Variants in CPD observed in about 807,000 individuals in gnomAD.
The protein encoded by CPD is carboxypeptidase D, also known as metallocarboxypeptidase D.
Under a neutral mutation model 138.3 loss-of-function variants are expected in CPD, and 69 were observed. That is an observed-to-expected ratio of 0.50 (90% CI 0.41 to 0.61). CPD has a LOEUF of 0.61. Ranked by LOEUF, CPD falls within the 20% of genes least tolerant of loss-of-function variation. The pLI, the probability that CPD is intolerant of heterozygous loss-of-function variation, is 0.00. For missense variants in CPD, 1,432 were observed against 1,733.3 expected, an observed-to-expected ratio of 0.83 and a Z score of 3.09; for synonymous variants, 651 against 642.1, an observed-to-expected ratio of 1.01 and a Z score of -0.21.
intron 12 of CPD, among the ~76,000 whole-genome samples, 199 bp from the exon 13 acceptor site, chr17:30,449,354 A>G (rs1029198686): frequency 2.0e-5 from 3 of 152,236 alleles, no homozygotes; most frequent in African/African-American, 7.2e-5. Flanking sequence ...CCTAAATCTG[A>G]TAATATCATC....
intron 17 of CPD, among the ~76,000 whole-genome samples, chr17:30,459,186 T>TA (rs1339023757): frequency 4.6e-5 from 5 of 109,560 alleles, no homozygotes; most frequent in East Asian, 9.2e-4. Flanking sequence ...TCCTTTTTTT[T>TA]AATTTATTTT....
chr17:30,449,651 C>T lies in CPD; in HGVS notation c.2972C>T (p.Ala991Val). ...GAAGAACCAAAGATTCGTTTTGTTG[C>T]TGGTATCCATGGAAATGCGCCAGTT... ...EPEEPKIRFV[A>V]GIHGNAPVGT... is the part of the protein sequence containing the mutation. Residue 991 changes from alanine (A) to valine (V), a missense_variant, in exon 13 of 21, where the codon GCT (alanine) becomes GTT (valine). Physicochemically the swap from Ala to Val is moderately conservative, Grantham distance 64. Coordinates refer to ENST00000225719, the MANE Select transcript of CPD (RefSeq NM_001304.5). 1 of 1,608,816 alleles carries T rather than the reference C, an allele frequency of 6.2e-7. No individual in the cohort carries two copies. Among genetic ancestry groups the T allele is most frequent in the Non-Finnish European group, 8.5e-7 (1 of 1,178,816 alleles).
rs202242271 is a variant in CPD, at chr17:30,421,643, C to T, written c.1138-21C>T. ...GCCTTCCAAATTCACCGTCTCTGAG[C>T]TTGGATTCTTGTCTTCTTAGGTTCA... is the stretch of plus-strand genomic sequence containing the variant. On this transcript the variant is annotated intron_variant, in intron 3 of 20. Coordinates refer to ENST00000225719, the MANE Select transcript of CPD (RefSeq NM_001304.5). 33 of 1,610,664 alleles carry T rather than the reference C, an allele frequency of 2.0e-5. No individual in the cohort carries two copies. In the Middle Eastern group the frequency reaches 9.9e-4, roughly 48 times the overall value.
intron 17 of CPD, among the ~76,000 whole-genome samples, chr17:30,458,160 C>CTCCA (rs1258937974): frequency 6.6e-6 from 1 of 152,148 alleles, no homozygotes; most frequent in African/African-American, 2.4e-5. Flanking sequence ...CACCATTGCA[C>CTCCA]TCCAGCCTGG....
chr17:30,467,210 A>G lies in CPD; in HGVS notation c.*2396A>G, dbSNP rs1913666567. On this transcript the variant is annotated 3_prime_UTR_variant, in exon 21 of 21. Coordinates refer to ENST00000225719, the MANE Select transcript of CPD (RefSeq NM_001304.5). ...GGAGTTATGGCGGCAAGTAAGTATC[A>G]TAGTATTAAGAAATTTGCCTAAATC... 6.6e-6 allele frequency: 1 copy of G among 152,584 alleles called. No homozygotes were observed. Among genetic ancestry groups the G allele is most frequent in the African/African-American group, 2.4e-5 (1 of 41,446 alleles). 9.5% of individuals were successfully genotyped at this position (152,584 alleles called of 1,614,324 possible).
At chr17:30,388,631 G>T (rs969860232) in intron 2 of CPD, among the ~76,000 whole-genome samples, 1 of 152,196 alleles carries the variant, frequency 6.6e-6, no homozygotes, top group African/African-American at 2.4e-5. Flanking sequence ...GGTAAGGGGG[G>T]CCTAGGAGGT....
At position 30,427,200 on chromosome 17, in the gene CPD, G is replaced by A. The variant is rs145459132; in HGVS notation, c.1850-191G>A. ...CCATCTCAAAAAAAAAAAAAAAGGCGGAGTCAACCATGTCAGATTTCTTTT... is the reference window on the plus strand; with the variant it reads ...CCATCTCAAAAAAAAAAAAAAAGGCAGAGTCAACCATGTCAGATTTCTTTT... On this transcript the variant is annotated intron_variant, in intron 6 of 20. Transcript: ENST00000225719. Among the ~76,000 whole-genome samples, 33 of 151,596 alleles carry A rather than the reference G, an allele frequency of 2.2e-4. 1 individual carries two copies. The South Asian group carries it at 4.4e-3, about 20-fold the overall frequency.
chr17:30,429,523 A>T (rs1343995435), intron 7 of CPD, among the ~76,000 whole-genome samples: 1 of 152,214 alleles, frequency 6.6e-6, no homozygotes, highest in African/African-American at 2.4e-5. Flanking sequence ...GTACAGGAGT[A>T]AAAAATCCTC....
intron 2 of CPD, among the ~76,000 whole-genome samples, chr17:30,392,977 T>C (rs2143326363): frequency 6.6e-6 from 1 of 152,352 alleles, no homozygotes; most frequent in East Asian, 1.9e-4. Context: ...GCTTTATATT[T>C]GTCTTCTTAA....
intron 1 of CPD, among the ~76,000 whole-genome samples, chr17:30,381,540 A>T (rs963987046): frequency 6.6e-6 from 1 of 152,214 alleles, no homozygotes. Context: ...GTAGGTGATC[A>T]TATATGGTAA....
At position 30,395,610 on chromosome 17, in the gene CPD, C is replaced by T. The variant is rs552967281; in HGVS notation, c.994+10374C>T. 5.3e-5 allele frequency among the ~76,000 whole-genome samples: 8 copies of T among 152,004 alleles called. No individual in the cohort carries two copies. The East Asian group carries it at 5.8e-4, about 11-fold the overall frequency. ...AGGCCTAAATGAAGAGAACCTAACA[C>T]TCCTTTAGGATTTGGCCCCCAGTCT... On this transcript the variant is annotated intron_variant, in intron 2 of 20. Transcript: ENST00000225719.
chr17:30,402,909 C>T (rs1193550186), intron 2 of CPD, among the ~76,000 whole-genome samples: 1 of 151,980 alleles, frequency 6.6e-6, no homozygotes. Context: ...GAATTCAAGA[C>T]CAGCCTAACC....
At position 30,464,754 on chromosome 17, in the gene CPD, C is replaced by A. The variant is rs760607780; in HGVS notation, c.4083C>A (p.Ser1361Arg). The A allele has an allele frequency of 4.3e-6, 7 of 1,613,906 alleles. No individual in the cohort carries two copies. The highest frequency in any genetic ancestry group is 2.5e-6 in the Non-Finnish European group (3 of 1,179,888). ...MSTGSKKSLL[S>R]HEFQDETDTE... ...CCGGCTCCAAGAAGTCCCTCCTAAG[C>A]CATGAGTTCCAGGATGAAACAGACA... Residue 1361 changes from serine to arginine, a missense_variant, in exon 21 of 21, where the codon AGC (serine) becomes AGA (arginine). Around this residue, in one of 6 missense-constraint regions of CPD, gnomAD observed 366 missense variants for 518.8 expected, o/e 0.71. Transcript: ENST00000225719.
Position 30,379,521 on chromosome 17 carries a change from A to G in CPD, c.541A>G (p.Ser181Gly). 6.4e-7 allele frequency: 1 copy of G among 1,569,088 alleles called. No homozygotes were observed. The highest frequency in any genetic ancestry group is 1.1e-5 in the South Asian group (1 of 87,524). ...LNTTDVYLLP[S>G]LNPDGFERAR... ...CACCACCGACGTGTACCTGCTGCCC[A>G]GCCTCAACCCCGATGGCTTCGAGCG... Residue 181 changes from serine to glycine, a missense_variant, in exon 1 of 21, where the codon AGC (serine) becomes GGC (glycine). Around this residue, in one of 6 missense-constraint regions of CPD, gnomAD observed 484 missense variants for 477.2 expected, o/e 1.01. Coordinates refer to ENST00000225719, the MANE Select transcript of CPD (RefSeq NM_001304.5). The surrounding 1 kb of genome is among the most constrained non-coding windows in gnomAD (Gnocchi z 7.0).
rs1384868914 is a variant in CPD at position 30,462,077 on chromosome 17, T to C, written c.3816+15T>C. On this transcript the variant is annotated intron_variant, in intron 19 of 20. Coordinates refer to ENST00000225719, the MANE Select transcript of CPD (RefSeq NM_001304.5). ...AACATTCACAGGTAAGAAACTCAAATTGAGTAGCATCATGTAAATTTTTAT... is the reference window on the plus strand; with the variant it reads ...AACATTCACAGGTAAGAAACTCAAACTGAGTAGCATCATGTAAATTTTTAT... 2 of 1,581,238 alleles carry C rather than the reference T, an allele frequency of 1.3e-6. No individual in the cohort carries two copies. Among genetic ancestry groups the C allele is most frequent in the Admixed American group, 2.0e-5 (1 of 50,832 alleles).
chr17:30,400,160 A>G (rs1261659466), intron 2 of CPD, among the ~76,000 whole-genome samples: 1 of 151,720 alleles, frequency 6.6e-6, no homozygotes, highest in African/African-American at 2.4e-5. Context: ...CTACTTTCTC[A>G]TTTTTCAGTT....
intron 2 of CPD, among the ~76,000 whole-genome samples, chr17:30,415,814 GA>G (rs1200756241): frequency 1.3e-5 from 2 of 152,188 alleles, no homozygotes; most frequent in Admixed American, 1.3e-4. Context: ...CCTTAAAAAA[GA>G]AGGGAATCCT....
intron 13 of CPD, 22 bp from the exon 14 acceptor site, chr17:30,451,689 T>C: frequency 1.2e-6 from 2 of 1,609,842 alleles, no homozygotes; most frequent in Non-Finnish European, 1.7e-6. Flanking sequence ...TAGTAACTCG[T>C]TAATTTCTGT....
intron 2 of CPD, among the ~76,000 whole-genome samples, chr17:30,389,725 A>G (rs763346953): frequency 1.2e-4 from 19 of 152,114 alleles, no homozygotes; most frequent in Non-Finnish European, 2.2e-4. Flanking sequence ...TTATCATCAG[A>G]TTTTTCTGAT....
Sources: allele counts gnomAD v4.1 joint callset (sites outside exome capture counted in the v4.1 genomes callset), GRCh38; gene constraint gnomAD v4.1.1; regional missense constraint gnomAD v4.1.1; non-coding constraint Gnocchi (gnomAD v3.1); transcripts MANE v1.5; gene names NCBI Gene and HGNC (gene_info 2026-07-23, HGNC 2026-07-21).